The following MCF2L variants were observed in gnomAD, a reference collection of about 807,000 sequenced individuals.
The protein encoded by MCF2L is guanine nucleotide exchange factor DBS.
A neutral mutation model predicts 153.4 loss-of-function variants in MCF2L; 97 were observed. That is an observed-to-expected ratio of 0.63 (90% CI 0.54 to 0.75). The LOEUF (loss-of-function observed/expected upper bound fraction) is 0.75. MCF2L is among the 30% of genes least tolerant of loss of function. The probability of loss-of-function intolerance (pLI) is 0.00; values close to 1 mark genes in which losing one functional copy is unlikely to be tolerated. For synonymous variants in MCF2L, 659 were observed against 632.2 expected (o/e 1.04, Z -0.64); for missense variants, 1,347 against 1,495.2 (o/e 0.90, Z 1.64).
intron 21 of MCF2L, among the ~76,000 whole-genome samples, chr13:113,086,728 C>T (rs1373354124): frequency 6.6e-6 from 1 of 151,796 alleles, no homozygotes; most frequent in Non-Finnish European, 1.5e-5. Context: ...GTCCACCCAG[C>T]ACTCATTCTC....
intron 2 of MCF2L, chr13:112,956,192 C>T (rs898553217): frequency 2.5e-5 from 4 of 157,504 alleles, no homozygotes; most frequent in Non-Finnish European, 2.8e-5. Context: ...GGCGCAGGCA[C>T]GGGAGTGGCA....
chr13:112,895,034 A>G (rs2081052994), intron 1 of MCF2L, among the ~76,000 whole-genome samples: 1 of 152,078 alleles, frequency 6.6e-6, no homozygotes, highest in African/African-American at 2.4e-5. Flanking sequence ...CCTTGGCCAC[A>G]GGTCCCCAAA....
rs1258363068 is a variant in MCF2L at position 112,983,933 on chromosome 13, C to G, written c.79+14475C>G. Among the ~76,000 whole-genome samples the G allele has an allele frequency of 1.3e-5, 2 of 152,214 alleles. No individual in the cohort carries two copies. The highest frequency in any genetic ancestry group is 2.4e-5 in the African/African-American group (1 of 41,474). On this transcript the variant is annotated intron_variant, in intron 1 of 29. Transcript: ENST00000535094. The surrounding 1 kb of genome is among the most constrained non-coding windows in gnomAD (Gnocchi z 4.0). ...ACTTCCACTCACATGGAGGAGGAGCCTCCTCTGCCCGGAGGAGACGGTGCT... is the reference window on the plus strand; with the variant it reads ...ACTTCCACTCACATGGAGGAGGAGCGTCCTCTGCCCGGAGGAGACGGTGCT...
At chr13:113,094,065 C>A (rs11839131) in intron 26 of MCF2L, 28,561 of 153,656 alleles carry the variant, frequency 0.19, 2,862 homozygotes, top group Middle Eastern at 0.33. Flanking sequence ...AGGTCAAGGG[C>A]GTCAGGCCCT....
chr13:113,067,474 G>A lies in MCF2L; in HGVS notation c.881+1304G>A, dbSNP rs1377098856. Among the ~76,000 whole-genome samples the A allele has an allele frequency of 1.4e-4, 6 of 43,724 alleles. No individual in the cohort carries two copies. The South Asian group carries it at 3.6e-3, about 26-fold the overall frequency. The allele number at this position is 43,724 out of a possible 152,430, so 28.7% of individuals were successfully genotyped here. ...CGCACAGCTGGAGTCCCAGCTACGC[G>A]GAGGCAGAGGTCGCAGTGAGCCGAG... On this transcript the variant is annotated intron_variant, in intron 8 of 29. Coordinates refer to ENST00000535094, the MANE Select transcript of MCF2L (RefSeq NM_001112732.3).
At position 112,907,022 on chromosome 13, in the gene MCF2L, G is replaced by A. The variant is rs147599927; in HGVS notation, c.169+4651G>A. 3.4e-4 allele frequency among the ~76,000 whole-genome samples: 52 copies of A among 152,276 alleles called. No individual in the cohort carries two copies. The highest frequency in any genetic ancestry group is 2.6e-4 in the Admixed American group (4 of 15,300). On this transcript the variant is annotated intron_variant, in intron 2 of 29. Transcript: ENST00000375608. The surrounding 1 kb of genome is among the most constrained non-coding windows in gnomAD (Gnocchi z 5.1). ...CAGCGAAGAAACAGACACATTTGCC[G>A]CCTTGGGTGGAGTCGCGACATTGCT...
At chr13:112,956,858 G>A (rs1370752854) in intron 2 of MCF2L, 1 of 152,234 alleles carries the variant, frequency 6.6e-6, no homozygotes, top group African/African-American at 2.4e-5. Context: ...AACTCTACAT[G>A]CATTTCGTAT....
intron 2 of MCF2L, among the ~76,000 whole-genome samples, chr13:112,940,091 GGT>G (rs906212669): frequency 2.6e-5 from 4 of 152,110 alleles, no homozygotes; most frequent in African/African-American, 9.6e-5. Context: ...TACAACGGGG[GGT>G]GGGGGCATCC....
At chr13:112,979,703 G>C (rs1293841598) in intron 1 of MCF2L, 1 of 1,612,796 alleles carries the variant, frequency 6.2e-7, no homozygotes, top group Admixed American at 1.7e-5. Context: ...GAACCCTGCG[G>C]CGGCTGTGGT....
chr13:113,001,014 A>G (rs1207935463), intron 1 of MCF2L, among the ~76,000 whole-genome samples: 9 of 152,264 alleles, frequency 5.9e-5, no homozygotes, highest in South Asian at 2.1e-4. Flanking sequence ...TTTCGGCTCA[A>G]ACTCTGGGCC....
rs2084929874 is a variant in MCF2L, at chr13:113,022,298, T to TGAGGG, written c.164-2343_164-2339dup. Among the ~76,000 whole-genome samples, 5 of 151,832 alleles carry TGAGGG rather than the reference T, an allele frequency of 3.3e-5. No individual in the cohort carries two copies. The South Asian group carries it at 1.0e-3, about 31-fold the overall frequency. ...CCCAGGCTGCCTCCACGTTTGGGCATGAGGGGATCTTGTTGCATCCGCTCC... is the reference window on the plus strand; with the variant it reads ...CCCAGGCTGCCTCCACGTTTGGGCATGAGGGGAGGGGATCTTGTTGCATCCGCTCC... On this transcript the variant is annotated intron_variant, in intron 2 of 29. Coordinates refer to ENST00000535094, the MANE Select transcript of MCF2L (RefSeq NM_001112732.3).
At position 113,064,189 on chromosome 13, in the gene MCF2L, A is replaced by G; in HGVS notation, c.490-115A>G. ...TGCCCCCACCCACACAGCCGCCCGC[A>G]GCATCCAGGCAGACGTGGTCCTCTC... On this transcript the variant is annotated intron_variant, in intron 5 of 29. Coordinates refer to ENST00000535094, the MANE Select transcript of MCF2L (RefSeq NM_001112732.3). The surrounding 1 kb of genome is among the most constrained non-coding windows in gnomAD (Gnocchi z 6.0). The G allele has an allele frequency of 2.5e-6, 2 of 793,244 alleles. No individual in the cohort carries two copies. Among genetic ancestry groups the G allele is most frequent in the Non-Finnish European group, 4.4e-6 (2 of 456,558 alleles). 49.1% of individuals were successfully genotyped at this position (793,244 alleles called of 1,614,324 possible). A position where few individuals can be genotyped will look rare whatever the true frequency, so the allele number is the denominator to read the frequency against.
In MCF2L at chr13:113,087,406, G is replaced by A. The variant is rs769490761; in HGVS notation, c.2545G>A (p.Gly849Arg). 1.9e-6 allele frequency: 3 copies of A among 1,613,200 alleles called. No homozygotes were observed. The highest frequency in any genetic ancestry group is 2.5e-6 in the Non-Finnish European group (3 of 1,179,928). Residue 849 changes from glycine (G) to arginine (R), a missense_variant, in exon 22 of 30, where the codon GGG (glycine) becomes AGG (arginine). Coordinates refer to ENST00000535094, the MANE Select transcript of MCF2L (RefSeq NM_001112732.3). ...CTTCTGCAAGAAGAGGGAGGAGAAT[G>A]GGGAGGGGTATGAGAAAGCTCCCTC... ...VLFCKKREEN[G>R]EGYEKAPSYS...
rs2085374464 is a variant in MCF2L, at chr13:113,027,317, G to A, written c.278+2559G>A. ...GGCAGCAGCCAGCCTCTGCAGTCATGCCTCAAGGAGAGGGAGAGCGGTGGG... is the reference window on the plus strand; with the variant it reads ...GGCAGCAGCCAGCCTCTGCAGTCATACCTCAAGGAGAGGGAGAGCGGTGGG... On this transcript the variant is annotated intron_variant, in intron 3 of 29. Transcript: ENST00000535094. The surrounding 1 kb of genome is among the most constrained non-coding windows in gnomAD (Gnocchi z 4.8). Among the ~76,000 whole-genome samples the A allele has an allele frequency of 6.6e-6, 1 of 152,122 alleles. No individual in the cohort carries two copies.
At chr13:112,999,465 T>G (rs567619264) in intron 1 of MCF2L, among the ~76,000 whole-genome samples, 1 of 152,344 alleles carries the variant, frequency 6.6e-6, no homozygotes, top group Admixed American at 6.5e-5. Flanking sequence ...GAGGCCCTTC[T>G]GTGAGAGCCT....
chr13:113,064,226 G>A lies in MCF2L; in HGVS notation c.490-78G>A. 1 of 1,050,468 alleles carries A rather than the reference G, an allele frequency of 9.5e-7. No homozygotes were observed. Among genetic ancestry groups the A allele is most frequent in the Non-Finnish European group, 1.5e-6 (1 of 674,382 alleles). 65.1% of individuals were successfully genotyped at this position (1,050,468 alleles called of 1,614,324 possible). ...GACGTGGTCCTCTCTGTGCTGCTGG[G>A]TGTTCTGCTGATGGGGCAGCTCTTT... On this transcript the variant is annotated intron_variant, in intron 5 of 29. Coordinates refer to ENST00000535094, the MANE Select transcript of MCF2L (RefSeq NM_001112732.3). This position sits in a 1 kb window ranked among gnomAD's most constrained non-coding sequence, Gnocchi z 6.0.
chr13:112,964,782 G>A (rs1420334988), upstream of MCF2L: 1 of 152,234 alleles, frequency 6.6e-6, no homozygotes, highest in Non-Finnish European at 1.5e-5. Flanking sequence ...AATAGACATT[G>A]CTGTTACAAT....
chr13:113,080,551 G>A (rs2034027428), intron 15 of MCF2L, among the ~76,000 whole-genome samples: 1 of 152,250 alleles, frequency 6.6e-6, no homozygotes, highest in Admixed American at 6.5e-5. Flanking sequence ...CATCACATAA[G>A]CAGGCAGGGC....
At chr13:112,949,095 A>G (rs1287170322) in intron 2 of MCF2L, among the ~76,000 whole-genome samples, 3 of 152,246 alleles carry the variant, frequency 2.0e-5, no homozygotes, top group Non-Finnish European at 4.4e-5. Flanking sequence ...TATCAAAAGG[A>G]TAATAAGGGA....
Sources: gnomAD v4.1 joint callset for allele counts (sites outside exome capture counted in the v4.1 genomes callset) on GRCh38, gnomAD v4.1.1 for gene constraint, Gnocchi (gnomAD v3.1) non-coding constraint, MANE v1.5 for transcripts, NCBI Gene and HGNC (gene_info 2026-07-23, HGNC 2026-07-21) for gene names.